The following MYO5B variants were observed in gnomAD, a reference collection of about 807,000 sequenced individuals.
MYO5B encodes myosin VB, also known as unconventional myosin-Vb.
Under a neutral mutation model 229.3 loss-of-function variants are expected in MYO5B, and 143 were observed. The ratio of observed to expected loss-of-function variants is 0.62; its 90% CI spans 0.54 to 0.72. The LOEUF is 0.72. Ranked by LOEUF, MYO5B falls within the 30% of genes least tolerant of loss-of-function variation. The pLI, the probability that MYO5B is intolerant of heterozygous loss-of-function variation, is 0.00. For synonymous variants in MYO5B, 918 were observed against 885.2 expected (o/e 1.04, Z -0.66); for missense variants, 2,321 against 2,331.0 (o/e 1.00, Z 0.09).
chr18:49,952,894 A>G (rs2025444703), intron 14 of MYO5B, among the ~76,000 whole-genome samples: 1 of 151,826 alleles, frequency 6.6e-6, no homozygotes, highest in African/African-American at 2.4e-5. Context: ...GACGGAGGAC[A>G]GATGACATGA....
chr18:49,930,973 T>C (rs745326996), intron 16 of MYO5B, among the ~76,000 whole-genome samples: 4 of 152,050 alleles, frequency 2.6e-5, no homozygotes, highest in African/African-American at 4.8e-5. Context: ...GGAGTCTTCA[T>C]AGAGAAAGAA....
intron 10 of MYO5B, among the ~76,000 whole-genome samples, chr18:49,971,119 A>T (rs1371166027): frequency 6.6e-6 from 1 of 152,208 alleles, no homozygotes; most frequent in East Asian, 1.9e-4. Flanking sequence ...TATGAATAGA[A>T]AACTCAAAAA....
chr18:50,089,689 C>T (rs2031405365), intron 1 of MYO5B, among the ~76,000 whole-genome samples: 2 of 152,050 alleles, frequency 1.3e-5, no homozygotes, highest in African/African-American at 2.4e-5. Context: ...AAAAGAGGTC[C>T]TTGGGAAGTT....
chr18:50,010,177 G>C (rs2026146863), intron 4 of MYO5B, among the ~76,000 whole-genome samples: 1 of 152,212 alleles, frequency 6.6e-6, no homozygotes, highest in African/African-American at 2.4e-5. Context: ...TAAGTACTTA[G>C]TACATTTAAT....
At chr18:50,045,413 A>T (rs1598978108) in intron 2 of MYO5B, among the ~76,000 whole-genome samples, 1 of 152,216 alleles carries the variant, frequency 6.6e-6, no homozygotes, top group South Asian at 2.1e-4. Flanking sequence ...TTTCTTTTTG[A>T]GACAGAGTCT....
At chr18:50,031,595 A>G (rs1244406061) in intron 4 of MYO5B, among the ~76,000 whole-genome samples, 1 of 152,230 alleles carries the variant, frequency 6.6e-6, no homozygotes, top group East Asian at 1.9e-4. Flanking sequence ...CCTTTCATCC[A>G]TACTATACAC....
At chr18:50,077,279 G>A (rs1002958586) in intron 1 of MYO5B, among the ~76,000 whole-genome samples, 3 of 150,566 alleles carry the variant, frequency 2.0e-5, no homozygotes, top group Non-Finnish European at 4.4e-5. Flanking sequence ...TGCTCTATGC[G>A]TTCAAGTTTG....
chr18:50,068,704 G>C (rs937396119), intron 1 of MYO5B, among the ~76,000 whole-genome samples: 1 of 152,180 alleles, frequency 6.6e-6, no homozygotes, highest in Non-Finnish European at 1.5e-5. Context: ...GAAGAAGTGT[G>C]GCTCTGGTCA....
At chr18:50,159,759 T>A (rs2032736475) in intron 1 of MYO5B, among the ~76,000 whole-genome samples, 1 of 152,160 alleles carries the variant, frequency 6.6e-6, no homozygotes, top group Non-Finnish European at 1.5e-5. Context: ...TGTTTGTTAC[T>A]CAAGGTCTTC....
At chr18:49,977,433 C>G (rs548376691) in intron 9 of MYO5B, among the ~76,000 whole-genome samples, 9 of 152,196 alleles carry the variant, frequency 5.9e-5, no homozygotes, top group African/African-American at 2.2e-4. Context: ...GGAAAGACAG[C>G]CTTTCCAATA....
At chr18:49,864,779 C>T (rs981363347) in intron 27 of MYO5B, among the ~76,000 whole-genome samples, 7 of 152,162 alleles carry the variant, frequency 4.6e-5, no homozygotes, top group Non-Finnish European at 7.4e-5. Flanking sequence ...AGAAAAGATA[C>T]AAGAATGCAG....
chr18:49,940,143 AG>A lies in MYO5B; in HGVS notation c.1753-2747del, dbSNP rs752908346. 9.3e-4 allele frequency among the ~76,000 whole-genome samples: 142 copies of A among 152,368 alleles called. 2 individuals are homozygous for A. In the Middle Eastern group the frequency reaches 0.027, roughly 29 times the overall value. The stretch of plus-strand genomic sequence containing the variant: ...TGGAAAGAAAGAATCATGTAAGAAT[AG>A]GTCCAAAATTCACAAAATAATTCAC... On this transcript the variant is annotated intron_variant, in intron 14 of 39. Coordinates refer to ENST00000285039, the MANE Select transcript of MYO5B (RefSeq NM_001080467.3).
chr18:50,073,334 G>A (rs1167769874), intron 1 of MYO5B, among the ~76,000 whole-genome samples: 1 of 152,062 alleles, frequency 6.6e-6, no homozygotes, highest in Non-Finnish European at 1.5e-5. Flanking sequence ...AATAAGAAAA[G>A]CCAAGGAAGC....
At chr18:49,863,669 T>C (rs1488827961) in intron 28 of MYO5B, among the ~76,000 whole-genome samples, 2 of 152,180 alleles carry the variant, frequency 1.3e-5, no homozygotes, top group Non-Finnish European at 2.9e-5. Flanking sequence ...TTACCCCAGC[T>C]GTCCCGAGGC....
rs193211343 is a variant in MYO5B, at chr18:49,897,789, T to C, written c.2812-2615A>G. ...TAGTGTAGCCTAAGTGTACGGCTTA[T>C]AAAGTCTACAGGAGTGGACAGTTTA... On this transcript the variant is annotated intron_variant, in intron 21 of 39. Coordinates refer to ENST00000285039, the MANE Select transcript of MYO5B (RefSeq NM_001080467.3). Among the ~76,000 whole-genome samples, 9 of 152,338 alleles carry C rather than the reference T, an allele frequency of 5.9e-5. No homozygotes were observed. In the South Asian group the frequency reaches 6.2e-4, roughly 11 times the overall value.
intron 16 of MYO5B, among the ~76,000 whole-genome samples, chr18:49,930,120 G>A (rs1286122179): frequency 1.3e-5 from 2 of 152,102 alleles, no homozygotes; most frequent in Admixed American, 6.5e-5. Flanking sequence ...ATGTCCCCTT[G>A]GGCCTCAGTA....
intron 4 of MYO5B, among the ~76,000 whole-genome samples, chr18:50,010,266 G>C (rs903801675): frequency 6.6e-6 from 1 of 152,204 alleles, no homozygotes; most frequent in Non-Finnish European, 1.5e-5. Context: ...CTCAGGTGTA[G>C]TGTGATATAG....
rs1371488430 is a variant in MYO5B, at chr18:49,822,879, G to C, written c.*3592C>G. 6.6e-6 allele frequency: 1 copy of C among 152,124 alleles called. No individual in the cohort carries two copies. Among genetic ancestry groups the C allele is most frequent in the Non-Finnish European group, 1.5e-5 (1 of 68,020 alleles). 9.4% of individuals were successfully genotyped at this position (152,124 alleles called of 1,614,324 possible). A position where few individuals can be genotyped will look rare whatever the true frequency, so the allele number is the denominator to read the frequency against. ...CTAAATATTACAGTGACTATTACAA[G>C]CATTTTTCTATAAACAAAGGTGTAG... On this transcript the variant is annotated 3_prime_UTR_variant, in exon 40 of 40. Coordinates refer to ENST00000285039, the MANE Select transcript of MYO5B (RefSeq NM_001080467.3).
At chr18:50,140,967 A>G (rs188098344) in intron 1 of MYO5B, among the ~76,000 whole-genome samples, 3 of 152,350 alleles carry the variant, frequency 2.0e-5, no homozygotes, top group African/African-American at 4.8e-5. Flanking sequence ...ACAATACTCA[A>G]AATACTGCCA....
Sources: allele counts gnomAD v4.1 joint callset (sites outside exome capture counted in the v4.1 genomes callset), GRCh38; gene constraint gnomAD v4.1.1; transcripts MANE v1.5; gene names NCBI Gene and HGNC (gene_info 2026-07-23, HGNC 2026-07-21).